The following PLCB1 variants were observed in gnomAD, a reference collection of about 807,000 sequenced individuals.
The protein encoded by PLCB1 is 1-phosphatidylinositol 4,5-bisphosphate phosphodiesterase beta-1.
Under a neutral mutation model 161.8 loss-of-function variants are expected in PLCB1, and 46 were observed. The ratio of observed to expected loss-of-function variants is 0.28; its 90% confidence interval spans 0.22 to 0.36. The LOEUF (loss-of-function observed/expected upper bound fraction) is 0.36. PLCB1 is among the 10% of genes least tolerant of loss of function. The pLI is 1.00. For missense variants in PLCB1, 1,016 were observed against 1,472.5 expected, an observed-to-expected ratio of 0.69 and a Z score of 5.07; for synonymous variants, 517 against 503.7, an observed-to-expected ratio of 1.03 and a Z score of -0.35.
At chr20:8,350,157 G>C (rs1160637618) in intron 2 of PLCB1, among the ~76,000 whole-genome samples, 3 of 152,132 alleles carry the variant, frequency 2.0e-5, no homozygotes, top group Non-Finnish European at 2.9e-5. Context: ...TGTGTGCTAT[G>C]GTGGTTTGCT....
At chr20:8,814,647 G>C (rs185918040) in intron 31 of PLCB1, among the ~76,000 whole-genome samples, 1 of 151,156 alleles carries the variant, frequency 6.6e-6, no homozygotes, top group East Asian at 2.0e-4. Context: ...CATTGCTTTT[G>C]GTACAGTTCT....
intron 10 of PLCB1, among the ~76,000 whole-genome samples, chr20:8,694,797 A>G (rs545091720): frequency 6.6e-6 from 1 of 152,238 alleles, no homozygotes; most frequent in Non-Finnish European, 1.5e-5. Flanking sequence ...TTCTCTAAAC[A>G]GTACACACAA....
chr20:8,505,614 A>AT (rs1404312738), intron 3 of PLCB1, among the ~76,000 whole-genome samples: 1 of 152,250 alleles, frequency 6.6e-6, no homozygotes, highest in African/African-American at 2.4e-5. Context: ...GAAATGCTCC[A>AT]TGAAATATGT....
At chr20:8,364,104 AG>A (rs2122311848) in intron 2 of PLCB1, among the ~76,000 whole-genome samples, 1 of 152,278 alleles carries the variant, frequency 6.6e-6, no homozygotes, top group African/African-American at 2.4e-5. Flanking sequence ...TAGATTAAAA[AG>A]TGCATTAAGA....
chr20:8,798,973 G>C (rs1302616989), intron 31 of PLCB1, among the ~76,000 whole-genome samples: 3 of 152,174 alleles, frequency 2.0e-5, no homozygotes, highest in Non-Finnish European at 2.9e-5. Flanking sequence ...CTAAAGCTAA[G>C]AAGAAGCTGT....
intron 2 of PLCB1, among the ~76,000 whole-genome samples, chr20:8,285,234 T>C (rs1005150314): frequency 1.3e-5 from 2 of 148,646 alleles, no homozygotes; most frequent in African/African-American, 2.4e-5. Flanking sequence ...GTTTTGCTTT[T>C]ATATATATAT....
At chr20:8,147,116 G>T (rs1393114562) in intron 1 of PLCB1, among the ~76,000 whole-genome samples, 1 of 152,118 alleles carries the variant, frequency 6.6e-6, no homozygotes, top group Admixed American at 6.6e-5. Flanking sequence ...TACATCCGTG[G>T]TTTTGTAAGT....
chr20:8,624,459 T>G (rs1988275329), intron 3 of PLCB1, among the ~76,000 whole-genome samples: 1 of 152,216 alleles, frequency 6.6e-6, no homozygotes. Flanking sequence ...ATACTTGGCA[T>G]GCAAATAAAA....
intron 31 of PLCB1, among the ~76,000 whole-genome samples, chr20:8,843,986 T>C (rs1024310149): frequency 1.3e-5 from 2 of 152,226 alleles, no homozygotes; most frequent in African/African-American, 4.8e-5. Context: ...AAGGTTTGAC[T>C]TTCTGATGGA....
intron 3 of PLCB1, among the ~76,000 whole-genome samples, chr20:8,413,246 T>C (rs1979121463): frequency 6.6e-6 from 1 of 152,232 alleles, no homozygotes; most frequent in Non-Finnish European, 1.5e-5. Flanking sequence ...AAGTCAGACA[T>C]GTTTTTCTTG....
chr20:8,719,354 T>C (rs1018817010), intron 14 of PLCB1, among the ~76,000 whole-genome samples: 1 of 152,178 alleles, frequency 6.6e-6, no homozygotes, highest in Non-Finnish European at 1.5e-5. Context: ...AAGAGACACG[T>C]ACAAGAATTG....
At chr20:8,769,999 C>A (rs1982585434) in intron 26 of PLCB1, among the ~76,000 whole-genome samples, 1 of 151,092 alleles carries the variant, frequency 6.6e-6, no homozygotes. Flanking sequence ...GTCATCCAGG[C>A]TGGAGTGCAG....
intron 2 of PLCB1, among the ~76,000 whole-genome samples, chr20:8,200,020 GTTCTTGCCACTGCATTT>G (rs2052075959): frequency 6.6e-6 from 1 of 152,016 alleles, no homozygotes. Context: ...TAGAGTTCTT[GTTCTTGCCACTGCATTT>G]TATAATTGGT....
In PLCB1 at chr20:8,146,306, C is replaced by A. The variant is rs146070415; in HGVS notation, c.100-3988C>A. Among the ~76,000 whole-genome samples the A allele has an allele frequency of 7.5e-3, 1,146 of 152,292 alleles. 9 individuals are homozygous for A. The highest frequency in any genetic ancestry group is 0.012 in the Non-Finnish European group (820 of 68,020). On this transcript the variant is annotated intron_variant, in intron 1 of 31. Transcript: ENST00000338037. ...TGAAGGTTTAATTTCCAGTGCTTCC[C>A]ATACCAGCTTAACTGGCTTTCCTTG... is the stretch of plus-strand genomic sequence containing the variant.
chr20:8,632,205 A>T (rs1176274521), intron 4 of PLCB1, among the ~76,000 whole-genome samples: 1 of 151,858 alleles, frequency 6.6e-6, no homozygotes. Context: ...CCCAGGAAGG[A>T]ACACAGTAAA....
chr20:8,205,721 C>T lies in PLCB1; in HGVS notation c.177+55350C>T, dbSNP rs117404012. 1.0e-3 allele frequency among the ~76,000 whole-genome samples: 154 copies of T among 152,098 alleles called. 3 individuals are homozygous for T. In the East Asian group the frequency reaches 0.027, roughly 27 times the overall value. ...TTATTTGCAAAAGAGGGAAACTACA[C>T]CGTTAGAGATACATTCTGAATTATT... is the stretch of plus-strand genomic sequence containing the variant. On this transcript the variant is annotated intron_variant, in intron 2 of 31. Transcript: ENST00000338037.
intron 31 of PLCB1, among the ~76,000 whole-genome samples, chr20:8,877,635 G>A (rs1987825364): frequency 6.6e-6 from 1 of 152,140 alleles, no homozygotes; most frequent in Non-Finnish European, 1.5e-5. Context: ...CCCTTGGGCT[G>A]GAATAGCTCT....
At chr20:8,831,617 A>C (rs1474999404) in intron 31 of PLCB1, among the ~76,000 whole-genome samples, 1 of 151,994 alleles carries the variant, frequency 6.6e-6, no homozygotes, top group Non-Finnish European at 1.5e-5. Flanking sequence ...AAAATATAAA[A>C]GTTTTCGTTG....
chr20:8,266,208 G>C (rs1393049320), intron 2 of PLCB1, among the ~76,000 whole-genome samples: 1 of 152,178 alleles, frequency 6.6e-6, no homozygotes, highest in Non-Finnish European at 1.5e-5. Flanking sequence ...TAATATGGTT[G>C]CATTGGTTCT....
Sources: gnomAD v4.1 joint callset for allele counts (sites outside exome capture counted in the v4.1 genomes callset) on GRCh38, gnomAD v4.1.1 for gene constraint, MANE v1.5 for transcripts, NCBI Gene and HGNC (gene_info 2026-07-23, HGNC 2026-07-21) for gene names.